Variants in SLC9B1 observed in about 807,000 individuals in gnomAD.
SLC9B1 encodes the protein solute carrier family 9 member B1.
SLC9B1 carries 32 observed loss-of-function variants against 51.7 expected under a neutral mutation model. That is an observed-to-expected ratio of 0.62 (90% confidence interval 0.47 to 0.83). SLC9B1 has a LOEUF of 0.83. Ranked by LOEUF, SLC9B1 falls within the 40% of genes least tolerant of loss-of-function variation. The pLI is 0.00. For synonymous variants in SLC9B1, 145 were observed against 212.7 expected (o/e 0.68, Z 2.77); for missense variants, 406 against 613.2 (o/e 0.66, Z 3.57).
chr4:103,013,896 C>T (rs1741196526), intron 1 of SLC9B1, among the ~76,000 whole-genome samples: 1 of 152,190 alleles, frequency 6.6e-6, no homozygotes, highest in African/African-American at 2.4e-5. Context: ...CCAGTCCAGG[C>T]CATAAGCATT....
At chr4:102,924,208 G>T (rs1465836751) in intron 7 of SLC9B1, among the ~76,000 whole-genome samples, 1 of 152,132 alleles carries the variant, frequency 6.6e-6, no homozygotes, top group Non-Finnish European at 1.5e-5. Context: ...CCAAAGCAGA[G>T]ATATAGACCA....
At chr4:102,896,884 A>G (rs1229482663), downstream of SLC9B1, 1 of 153,036 alleles carries the variant, frequency 6.5e-6, no homozygotes, top group African/African-American at 2.4e-5. Flanking sequence ...TCTTGTAAAC[A>G]ATGAGAAGCA....
In SLC9B1 at chr4:102,976,389, AAC is replaced by A. The variant is rs1739072094; in HGVS notation, c.211+13409_211+13410del. Among the ~76,000 whole-genome samples, 3 of 152,366 alleles carry A rather than the reference AAC, an allele frequency of 2.0e-5. No individual in the cohort carries two copies. In the South Asian group the frequency reaches 6.2e-4, roughly 32 times the overall value. On this transcript the variant is annotated intron_variant, in intron 3 of 11. Coordinates refer to ENST00000296422, the MANE Select transcript of SLC9B1 (RefSeq NM_139173.4). ...AAATTCAAAGATATTATCATTTCTT[AAC>A]AGTCATCAATAGTTTTCATGACATC...
At chr4:102,998,350 T>G (rs1258582900) in intron 1 of SLC9B1, among the ~76,000 whole-genome samples, 1 of 152,214 alleles carries the variant, frequency 6.6e-6, no homozygotes, top group Non-Finnish European at 1.5e-5. Flanking sequence ...CTGTACATGT[T>G]GTAGCATGTA....
At position 102,945,983 on chromosome 4, in the gene SLC9B1, T is replaced by A. The variant is rs566006152; in HGVS notation, c.526-663A>T. Among the ~76,000 whole-genome samples, 5 of 152,262 alleles carry A rather than the reference T, an allele frequency of 3.3e-5. No individual in the cohort carries two copies. In the East Asian group the frequency reaches 9.7e-4, roughly 29 times the overall value. On this transcript the variant is annotated intron_variant, in intron 5 of 11. Coordinates refer to ENST00000296422, the MANE Select transcript of SLC9B1 (RefSeq NM_139173.4). ...ATTGGATTTTACAATAATGCAAAGA[T>A]AATCAGGAACATAATCCTGTGGAGA...
intron 1 of SLC9B1, among the ~76,000 whole-genome samples, chr4:103,006,936 C>T (rs1055702866): frequency 1.3e-5 from 2 of 152,192 alleles, no homozygotes; most frequent in African/African-American, 4.8e-5. Flanking sequence ...AGCATAACTT[C>T]ATGTTAAAAG....
intron 3 of SLC9B1, among the ~76,000 whole-genome samples, chr4:102,968,647 T>C (rs1334182557): frequency 6.6e-6 from 1 of 152,218 alleles, no homozygotes; most frequent in Admixed American, 6.5e-5. Flanking sequence ...CATTTCCAAC[T>C]GAGGTACCTG....
At chr4:102,935,232 T>A (rs1193019948) in intron 6 of SLC9B1, among the ~76,000 whole-genome samples, 2 of 152,100 alleles carry the variant, frequency 1.3e-5, no homozygotes, top group African/African-American at 4.8e-5. Flanking sequence ...AACACATATA[T>A]AAAAGATATT....
chr4:102,919,533 T>G (rs1001685655), intron 7 of SLC9B1, among the ~76,000 whole-genome samples: 3 of 152,132 alleles, frequency 2.0e-5, no homozygotes, highest in African/African-American at 7.2e-5. Context: ...CTGAGGTACC[T>G]GGTTCATCTC....
intron 11 of SLC9B1, 101 bp downstream of exon 11, chr4:102,905,413 G>A: frequency 8.6e-7 from 1 of 1,167,140 alleles, no homozygotes; most frequent in Non-Finnish European, 1.2e-6. Flanking sequence ...TAAAAAGTAA[G>A]GATAATAGCT....
downstream of SLC9B1, among the ~76,000 whole-genome samples, chr4:102,898,721 T>C (rs1578328106): frequency 1.3e-5 from 2 of 152,272 alleles, no homozygotes; most frequent in African/African-American, 4.8e-5. Flanking sequence ...AACAATCTTG[T>C]ATTTATTTGT....
chr4:102,990,439 T>C (rs1739886861), intron 2 of SLC9B1, among the ~76,000 whole-genome samples: 1 of 152,062 alleles, frequency 6.6e-6, no homozygotes, highest in Non-Finnish European at 1.5e-5. Flanking sequence ...GATAACATAT[T>C]AAATAGTGCA....
intron 1 of SLC9B1, among the ~76,000 whole-genome samples, chr4:102,997,485 C>T (rs1740287533): frequency 6.6e-6 from 1 of 152,080 alleles, no homozygotes; most frequent in South Asian, 2.1e-4. Context: ...TGCTGGCATA[C>T]AGAAATATGA....
At chr4:102,978,219 T>C (rs1490703733) in intron 3 of SLC9B1, among the ~76,000 whole-genome samples, 1 of 152,234 alleles carries the variant, frequency 6.6e-6, no homozygotes, top group Non-Finnish European at 1.5e-5. Context: ...TGTTGGACAT[T>C]TGGCTTGGTT....
intron 7 of SLC9B1, among the ~76,000 whole-genome samples, chr4:102,915,840 AAAGTT>A (rs1371248261): frequency 2.5e-4 from 38 of 152,248 alleles, no homozygotes; most frequent in Admixed American, 2.5e-3. Flanking sequence ...GTATGTGATT[AAAGTT>A]AAGTTGTTGT....
chr4:102,955,176 C>A (rs1434137983), intron 3 of SLC9B1, among the ~76,000 whole-genome samples: 1 of 152,042 alleles, frequency 6.6e-6, no homozygotes, highest in Non-Finnish European at 1.5e-5. Context: ...GGGGTGGTTC[C>A]CCCCATACTG....
chr4:102,970,575 T>C (rs1389767342), intron 3 of SLC9B1, among the ~76,000 whole-genome samples: 1 of 152,188 alleles, frequency 6.6e-6, no homozygotes, highest in African/African-American at 2.4e-5. Flanking sequence ...AGAAACTGCA[T>C]GAACTAACGA....
At chr4:102,999,688 G>A (rs76718101) in intron 1 of SLC9B1, among the ~76,000 whole-genome samples, 1 of 152,176 alleles carries the variant, frequency 6.6e-6, no homozygotes, top group East Asian at 1.9e-4. Context: ...GAGCTCAGTT[G>A]ATAGCTTTGT....
intron 7 of SLC9B1, among the ~76,000 whole-genome samples, chr4:102,924,651 C>G (rs1246317176): frequency 6.6e-6 from 1 of 152,176 alleles, no homozygotes; most frequent in Non-Finnish European, 1.5e-5. Context: ...TTTTTACAAT[C>G]TACCCATCTG....
Sources: allele counts gnomAD v4.1 joint callset (sites outside exome capture counted in the v4.1 genomes callset), GRCh38; gene constraint gnomAD v4.1.1; transcripts MANE v1.5; gene names NCBI Gene and HGNC (gene_info 2026-07-23, HGNC 2026-07-21).